UTRN: variants seen among roughly 807,000 people sequenced by gnomAD.
The protein encoded by UTRN is utrophin.
In UTRN, 283 loss-of-function variants were observed where a neutral mutation model predicts 463.9. The observed-to-expected ratio is 0.61, with a 90% confidence interval of 0.55 to 0.67. The LOEUF is 0.67. Ranked by LOEUF, UTRN falls within the 30% of genes least tolerant of loss-of-function variation. The pLI, the probability that UTRN is intolerant of heterozygous loss-of-function variation, is 0.00. For synonymous variants in UTRN, 1,442 were observed against 1,431.5 expected, an observed-to-expected ratio of 1.01 and a Z score of -0.17; for missense variants, 3,922 against 4,084.3, an observed-to-expected ratio of 0.96 and a Z score of 1.08.
chr6:144,724,169 G>C (rs73592002), intron 53 of UTRN, among the ~76,000 whole-genome samples: 6 of 149,898 alleles, frequency 4.0e-5, no homozygotes, highest in African/African-American at 1.2e-4. Flanking sequence ...CAATTCAGGG[G>C]CTTTTAGTAT....
At chr6:144,589,337 T>C (rs750424377) in intron 51 of UTRN, among the ~76,000 whole-genome samples, 60 of 152,342 alleles carry the variant, frequency 3.9e-4, no homozygotes, top group Non-Finnish European at 7.5e-4. Flanking sequence ...TGTTTTCTCA[T>C]ATATTACATC....
chr6:144,639,657 A>T (rs1049421147), intron 51 of UTRN, among the ~76,000 whole-genome samples: 14 of 152,004 alleles, frequency 9.2e-5, no homozygotes, highest in African/African-American at 2.9e-4. Flanking sequence ...CCGATCAATC[A>T]AATACACAGT....
chr6:144,705,545 T>C (rs902065622), intron 53 of UTRN, among the ~76,000 whole-genome samples: 2 of 152,180 alleles, frequency 1.3e-5, no homozygotes, highest in Admixed American at 1.3e-4. Flanking sequence ...TGGAAGGTAG[T>C]CTTTTATATG....
chr6:144,427,281 T>C (rs1012266705), intron 7 of UTRN, among the ~76,000 whole-genome samples: 1 of 152,232 alleles, frequency 6.6e-6, no homozygotes, highest in Non-Finnish European at 1.5e-5. Context: ...GGGATTTAAA[T>C]GCCAAAGGCA....
At chr6:144,671,076 C>G (rs1258769692) in intron 51 of UTRN, among the ~76,000 whole-genome samples, 5 of 151,900 alleles carry the variant, frequency 3.3e-5, no homozygotes, top group Admixed American at 2.6e-4. Context: ...TGGGATGCCT[C>G]CAGATTTCTC....
intron 60 of UTRN, among the ~76,000 whole-genome samples, chr6:144,779,391 GT>G (rs1775618665): frequency 6.6e-6 from 1 of 152,056 alleles, no homozygotes; most frequent in African/African-American, 2.4e-5. Context: ...AACTTAACAT[GT>G]TAACAGTCAA....
chr6:144,781,441 T>C (rs987636137), intron 60 of UTRN, among the ~76,000 whole-genome samples: 2 of 152,164 alleles, frequency 1.3e-5, no homozygotes, highest in African/African-American at 2.4e-5. Flanking sequence ...TTGTATGTAA[T>C]GATGTACATG....
chr6:144,752,352 G>A (rs544741382), intron 56 of UTRN, among the ~76,000 whole-genome samples: 16 of 151,406 alleles, frequency 1.1e-4, no homozygotes, highest in African/African-American at 3.9e-4. Context: ...CTTCTAACTG[G>A]TTGCTATTTA....
At chr6:144,333,436 A>G (rs748587536) in intron 2 of UTRN, 2 of 152,206 alleles carry the variant, frequency 1.3e-5, no homozygotes, top group Admixed American at 1.3e-4. Context: ...GACATTTTCC[A>G]TAACATATTA....
In UTRN at chr6:144,330,874, G is replaced by A. The variant is rs569225645; in HGVS notation, c.79+38967G>A. 1.6e-4 allele frequency: 153 copies of A among 985,424 alleles called. 1 individual carries two copies. The highest frequency in any genetic ancestry group is 1.1e-3 in the South Asian group (24 of 21,286). 61.0% of individuals were successfully genotyped at this position (985,424 alleles called of 1,614,324 possible). Reference sequence around the variant, plus strand: ...CTCCATCAAAGCACATTCTCCAGCCGAGGGGTACACATCCCTTTGTGACTT... The same window carrying A: ...CTCCATCAAAGCACATTCTCCAGCCAAGGGGTACACATCCCTTTGTGACTT... On this transcript the variant is annotated intron_variant, in intron 2 of 74. Transcript: ENST00000367545.
chr6:144,749,254 A>ATTTGTAGTAT (rs1234735413), intron 55 of UTRN, among the ~76,000 whole-genome samples: 4 of 152,208 alleles, frequency 2.6e-5, no homozygotes, highest in Admixed American at 2.6e-4. Flanking sequence ...AATCTCATTG[A>ATTTGTAGTAT]CAGTGTAGTC....
chr6:144,316,920 A>T (rs1330509883), intron 2 of UTRN, among the ~76,000 whole-genome samples: 4 of 152,168 alleles, frequency 2.6e-5, no homozygotes, highest in Non-Finnish European at 4.4e-5. Flanking sequence ...GAAAAAGCAA[A>T]AATCAACAAC....
chr6:144,802,743 C>T (rs1201945031), intron 64 of UTRN, among the ~76,000 whole-genome samples: 1 of 151,958 alleles, frequency 6.6e-6, no homozygotes, highest in East Asian at 1.9e-4. Flanking sequence ...TTTTAAAATT[C>T]ATTTCTTATT....
intron 53 of UTRN, among the ~76,000 whole-genome samples, chr6:144,725,681 T>C (rs140570660): frequency 6.6e-6 from 1 of 152,338 alleles, no homozygotes; most frequent in Non-Finnish European, 1.5e-5. Flanking sequence ...GAAATGCAGG[T>C]TTTCTTTTAT....
intron 66 of UTRN, among the ~76,000 whole-genome samples, chr6:144,822,384 A>C (rs1207100601): frequency 6.6e-6 from 1 of 152,098 alleles, no homozygotes; most frequent in Non-Finnish European, 1.5e-5. Context: ...ATGCAAATGC[A>C]TATTTAGATA....
At chr6:144,502,690 G>T (rs1420442380) in intron 34 of UTRN, among the ~76,000 whole-genome samples, 1 of 152,136 alleles carries the variant, frequency 6.6e-6, no homozygotes, top group Non-Finnish European at 1.5e-5. Flanking sequence ...CCAAGTCTTT[G>T]CTATTGTGAA....
chr6:144,324,033 G>A (rs1308729090), intron 2 of UTRN, among the ~76,000 whole-genome samples: 2 of 152,172 alleles, frequency 1.3e-5, no homozygotes, highest in African/African-American at 4.8e-5. Context: ...GATGAGAATT[G>A]CTATCTGTTT....
chr6:144,533,943 A>G (rs1797305462), intron 43 of UTRN, among the ~76,000 whole-genome samples: 1 of 152,026 alleles, frequency 6.6e-6, no homozygotes, highest in African/African-American at 2.4e-5. Flanking sequence ...TCCGTCATTA[A>G]TGATCTTTTT....
chr6:144,616,849 G>A lies in UTRN; in HGVS notation c.7479+39561G>A, dbSNP rs529559483. On this transcript the variant is annotated intron_variant, in intron 51 of 74. Transcript: ENST00000367545. Reference sequence around the variant, plus strand: ...TCTTGTGCCAGGTTCTATTCCAGGCGCAGGTGGGCATCAGTGCAGCCAGCC... The same window carrying A: ...TCTTGTGCCAGGTTCTATTCCAGGCACAGGTGGGCATCAGTGCAGCCAGCC... 4.1e-4 allele frequency among the ~76,000 whole-genome samples: 62 copies of A among 152,234 alleles called. 1 individual carries two copies. Among genetic ancestry groups the A allele is most frequent in the Non-Finnish European group, 1.3e-4 (9 of 68,010 alleles).
Sources: gnomAD v4.1 joint callset for allele counts (sites outside exome capture counted in the v4.1 genomes callset) on GRCh38, gnomAD v4.1.1 for gene constraint, MANE v1.5 for transcripts, NCBI Gene and HGNC (gene_info 2026-07-23, HGNC 2026-07-21) for gene names.